Variants in LPP observed in about 807,000 individuals in gnomAD.
The protein encoded by LPP is LIM domain containing preferred translocation partner in lipoma, also known as lipoma-preferred partner.
In LPP, 38 loss-of-function variants were observed where a neutral mutation model predicts 60.4. That is an observed-to-expected ratio of 0.63 (90% CI 0.49 to 0.83). LPP has a LOEUF of 0.83. Among genes scored for constraint, LPP ranks in the 40% least tolerant of loss-of-function variants. The pLI is 0.00. For missense variants in LPP, 902 were observed against 783.6 expected (o/e 1.15, Z -1.80); for synonymous variants, 328 against 290.8 (o/e 1.13, Z -1.30).
intron 3 of LPP, among the ~76,000 whole-genome samples, chr3:188,385,197 T>C (rs1644672126): frequency 1.3e-5 from 2 of 152,132 alleles, no homozygotes; most frequent in Non-Finnish European, 2.9e-5. Flanking sequence ...CACCTTCCCA[T>C]AGTGCTTTAG....
intron 2 of LPP, among the ~76,000 whole-genome samples, chr3:188,339,010 C>G (rs898422180): frequency 6.6e-6 from 1 of 152,104 alleles, no homozygotes; most frequent in South Asian, 2.1e-4. Flanking sequence ...GCTTCTCTCT[C>G]TTTATTATCT....
intron 8 of LPP, among the ~76,000 whole-genome samples, chr3:188,736,716 A>G (rs1245763161): frequency 6.6e-6 from 1 of 152,012 alleles, no homozygotes; most frequent in African/African-American, 2.4e-5. Flanking sequence ...TAATAGATAC[A>G]TAGATGGATA....
In LPP at chr3:188,851,268, C is replaced by T. The variant is rs796806811; in HGVS notation, c.1411-14932C>T. ...TCTATGTGAAGTTCTAGCTTTTTAA[C>T]TATTTTTTTGTATAATTAAATAATT... On this transcript the variant is annotated intron_variant, in intron 9 of 11. Transcript: ENST00000617246. Among the ~76,000 whole-genome samples, 3 of 152,180 alleles carry T rather than the reference C, an allele frequency of 2.0e-5. No individual in the cohort carries two copies. In the South Asian group the frequency reaches 6.2e-4, roughly 31 times the overall value.
chr3:188,698,096 T>C (rs1560081218), intron 7 of LPP, among the ~76,000 whole-genome samples: 1 of 152,184 alleles, frequency 6.6e-6, no homozygotes, highest in Non-Finnish European at 1.5e-5. Context: ...CATAGAAAGC[T>C]GTGCATGGTG....
At chr3:188,320,166 T>C (rs957284442) in intron 2 of LPP, among the ~76,000 whole-genome samples, 4 of 152,156 alleles carry the variant, frequency 2.6e-5, no homozygotes, top group African/African-American at 9.7e-5. Flanking sequence ...GTGGCCAGTT[T>C]TGTTTTATTT....
intron 2 of LPP, among the ~76,000 whole-genome samples, chr3:188,326,963 CCAAA>C (rs1473080767): frequency 7.2e-5 from 11 of 151,914 alleles, no homozygotes; most frequent in East Asian, 3.8e-4. Flanking sequence ...GACTTTTTGC[CCAAA>C]CAAAGGAAAA....
chr3:188,615,209 C>T (rs535063585), intron 7 of LPP, among the ~76,000 whole-genome samples: 1 of 152,318 alleles, frequency 6.6e-6, no homozygotes, highest in East Asian at 1.9e-4. Context: ...TTTTATCTCT[C>T]CCCAGTATCC....
intron 7 of LPP, among the ~76,000 whole-genome samples, chr3:188,616,610 C>T (rs13058812): frequency 4.6e-5 from 7 of 151,636 alleles, no homozygotes; most frequent in South Asian, 2.1e-4. Context: ...TTTCCGTATA[C>T]GTTTTAGCAT....
chr3:188,534,797 T>G (rs1478989670), intron 6 of LPP, among the ~76,000 whole-genome samples: 2 of 152,188 alleles, frequency 1.3e-5, no homozygotes, highest in African/African-American at 4.8e-5. Context: ...AGACAGAAGG[T>G]TGGAGGTGGT....
chr3:188,287,693 A>G (rs953100454), intron 2 of LPP, among the ~76,000 whole-genome samples: 3 of 152,230 alleles, frequency 2.0e-5, no homozygotes, highest in Non-Finnish European at 2.9e-5. Context: ...GTGATGGCCA[A>G]TAAGTTCTTT....
chr3:188,246,187 C>CT (rs11294253), intron 2 of LPP, among the ~76,000 whole-genome samples: 119 of 147,802 alleles, frequency 8.1e-4, no homozygotes, highest in African/African-American at 1.5e-3. Context: ...CTGTCTACAA[C>CT]TTTTTTTTTT....
At chr3:188,219,658 A>T (rs527864026) in intron 1 of LPP, among the ~76,000 whole-genome samples, 3 of 151,850 alleles carry the variant, frequency 2.0e-5, no homozygotes, top group African/African-American at 7.2e-5. Flanking sequence ...TTAAGTAAAA[A>T]CTCCTGCCCC....
In LPP at chr3:188,811,809, G is replaced by A. The variant is rs527392871; in HGVS notation, c.1410+51527G>A. 5.9e-5 allele frequency among the ~76,000 whole-genome samples: 9 copies of A among 152,214 alleles called. No individual in the cohort carries two copies. In the South Asian group the frequency reaches 1.7e-3, roughly 28 times the overall value. ...TGAAACGTTTGAGTATTGGAACATT[G>A]TGCTTTTGTTGTTTTCTTTTTCTTT... On this transcript the variant is annotated intron_variant, in intron 9 of 11. Transcript: ENST00000617246.
chr3:188,177,793 C>G (rs1441384517), intron 1 of LPP, among the ~76,000 whole-genome samples: 2 of 152,084 alleles, frequency 1.3e-5, no homozygotes, highest in African/African-American at 4.8e-5. Context: ...CACCAAAGAG[C>G]TGGAAAGGAA....
intron 6 of LPP, among the ~76,000 whole-genome samples, chr3:188,541,926 T>A (rs922198057): frequency 6.6e-6 from 1 of 151,916 alleles, no homozygotes; most frequent in Admixed American, 6.6e-5. Flanking sequence ...ACAAAACAAA[T>A]AAAAATTGTA....
chr3:188,517,824 T>TA (rs1030297216), intron 5 of LPP, among the ~76,000 whole-genome samples: 1 of 152,050 alleles, frequency 6.6e-6, no homozygotes, highest in African/African-American at 2.4e-5. Context: ...CATGGGGAGT[T>TA]ATGGGAGTAC....
chr3:188,384,167 T>C (rs1043280644), intron 3 of LPP, among the ~76,000 whole-genome samples: 1 of 152,218 alleles, frequency 6.6e-6, no homozygotes, highest in Admixed American at 6.5e-5. Context: ...TATTGTTTTA[T>C]GAAGTGTAAA....
chr3:188,851,164 T>A (rs552450381), intron 9 of LPP, among the ~76,000 whole-genome samples: 1 of 152,346 alleles, frequency 6.6e-6, no homozygotes, highest in Admixed American at 6.5e-5. Context: ...CTGGGAATGT[T>A]GTAGAGGGAA....
Position 188,592,557 on chromosome 3 carries a change from G to GTTTGTTTTTTTTTTTTTTT in LPP, c.430-16601_430-16600insGTTTTTTTTTTTTTTTTTT, listed in dbSNP as rs1260656926. Among the ~76,000 whole-genome samples, 32 of 85,700 alleles carry GTTTGTTTTTTTTTTTTTTT rather than the reference G, an allele frequency of 3.7e-4. 1 individual carries two copies. The highest frequency in any genetic ancestry group is 3.4e-3 in the South Asian group (6 of 1,740). 56.2% of individuals were successfully genotyped at this position (85,700 alleles called of 152,430 possible). Reference sequence around the variant, plus strand: ...TATCACTGTTTTTAGTTTTGTTTTTGTTTTTTAAATGGAGTCTCACTCTTT... The same window carrying GTTTGTTTTTTTTTTTTTTT: ...TATCACTGTTTTTAGTTTTGTTTTTGTTTGTTTTTTTTTTTTTTTTTTTTTAAATGGAGTCTCACTCTTT... On this transcript the variant is annotated intron_variant, in intron 6 of 11. Transcript: ENST00000617246.
Sources: gnomAD v4.1 joint callset for allele counts (sites outside exome capture counted in the v4.1 genomes callset) on GRCh38, gnomAD v4.1.1 for gene constraint, MANE v1.5 for transcripts, NCBI Gene and HGNC (gene_info 2026-07-23, HGNC 2026-07-21) for gene names.